The following NRXN3 variants were observed in gnomAD, a reference collection of about 807,000 sequenced individuals.
NRXN3 encodes the protein neurexin III.
NRXN3 carries 32 observed loss-of-function variants against 137.6 expected under a neutral mutation model. The ratio of observed to expected loss-of-function variants is 0.23; its 90% CI spans 0.18 to 0.31. The LOEUF is 0.31. Ranked by LOEUF, NRXN3 falls within the 10% of genes least tolerant of loss-of-function variation. The pLI is 1.00. For missense variants in NRXN3, 1,574 were observed against 2,062.5 expected (o/e 0.76, Z 4.59); for synonymous variants, 798 against 784.5 (o/e 1.02, Z -0.29).
chr14:78,242,113 G>A (rs1227141633), intron 1 of NRXN3, among the ~76,000 whole-genome samples: 1 of 152,152 alleles, frequency 6.6e-6, no homozygotes, highest in African/African-American at 2.4e-5. Context: ...GTGACCTTGT[G>A]ATGTGAATAT....
At chr14:79,709,995 G>C (rs187533654) in intron 19 of NRXN3, among the ~76,000 whole-genome samples, 29 of 152,278 alleles carry the variant, frequency 1.9e-4, no homozygotes, top group Admixed American at 5.2e-4. Flanking sequence ...AGGACAAAGA[G>C]AGAAATAGAC....
At chr14:79,734,188 C>T (rs1371456231) in intron 19 of NRXN3, among the ~76,000 whole-genome samples, 2 of 152,194 alleles carry the variant, frequency 1.3e-5, no homozygotes, top group African/African-American at 4.8e-5. Context: ...GGCCAACACC[C>T]CAATATTTCT....
At chr14:79,326,265 C>T (rs1170810526) in intron 15 of NRXN3, among the ~76,000 whole-genome samples, 1 of 152,100 alleles carries the variant, frequency 6.6e-6, no homozygotes, top group African/African-American at 2.4e-5. Flanking sequence ...TAAATAAGTC[C>T]CTAGTCCGTA....
chr14:79,801,678 T>C (rs1380616704), intron 19 of NRXN3, among the ~76,000 whole-genome samples: 1 of 152,222 alleles, frequency 6.6e-6, no homozygotes, highest in Non-Finnish European at 1.5e-5. Flanking sequence ...CAAACTCCTT[T>C]GAGTCTGGGC....
intron 15 of NRXN3, among the ~76,000 whole-genome samples, chr14:79,091,554 C>A (rs1041373939): frequency 6.6e-6 from 1 of 152,076 alleles, no homozygotes; most frequent in Non-Finnish European, 1.5e-5. Flanking sequence ...AGAGGTTCCC[C>A]ATGGGGCGCT....
chr14:78,283,112 G>A lies in NRXN3; in HGVS notation c.727+4450G>A, dbSNP rs560449550. On this transcript the variant is annotated intron_variant, in intron 3 of 20. Transcript: ENST00000335750. ...TCCTCTCTTGTGCTGGGCACAGAAT[G>A]AGATATCTGATCTGGTTGTGGGGAG... The A allele has an allele frequency of 5.9e-5, 9 of 152,348 alleles. No individual in the cohort carries two copies. The South Asian group carries it at 1.9e-3, about 32-fold the overall frequency. 9.4% of individuals were successfully genotyped at this position (152,348 alleles called of 1,614,324 possible). A position where few individuals can be genotyped will look rare whatever the true frequency, so the allele number is the denominator to read the frequency against.
intron 15 of NRXN3, among the ~76,000 whole-genome samples, chr14:79,415,840 A>G (rs775042092): frequency 3.9e-5 from 6 of 152,136 alleles, no homozygotes; most frequent in Non-Finnish European, 8.8e-5. Flanking sequence ...TCCCTGAACC[A>G]TCTAGGAACT....
chr14:79,629,787 C>A (rs1163183861), intron 16 of NRXN3, among the ~76,000 whole-genome samples: 1 of 151,358 alleles, frequency 6.6e-6, no homozygotes, highest in African/African-American at 2.4e-5. Flanking sequence ...TGATAAAGAA[C>A]AGATATGTTT....
At chr14:79,026,923 G>GTATATA (rs138279840) in intron 15 of NRXN3, among the ~76,000 whole-genome samples, 7,474 of 135,268 alleles carry the variant, frequency 0.055, 416 homozygotes, top group Non-Finnish European at 0.073. Flanking sequence ...AGAAAAAAAA[G>GTATATA]TATATATATA....
At chr14:78,589,300 G>T (rs1439221830) in intron 4 of NRXN3, among the ~76,000 whole-genome samples, 1 of 152,158 alleles carries the variant, frequency 6.6e-6, no homozygotes, top group African/African-American at 2.4e-5. Context: ...GCTGCCTTTG[G>T]CTGAGTCTAT....
At chr14:79,607,722 G>A (rs1409385902) in intron 16 of NRXN3, among the ~76,000 whole-genome samples, 2 of 150,804 alleles carry the variant, frequency 1.3e-5, no homozygotes, top group Non-Finnish European at 2.9e-5. Context: ...GCCCAGGCTG[G>A]AGTGCAGTGG....
chr14:79,775,135 A>T (rs529667798), intron 19 of NRXN3, among the ~76,000 whole-genome samples: 2 of 152,268 alleles, frequency 1.3e-5, no homozygotes, highest in East Asian at 3.9e-4. Context: ...TTAATACCAT[A>T]CCGTAATTCT....
intron 17 of NRXN3, among the ~76,000 whole-genome samples, chr14:79,665,363 C>G (rs1208355730): frequency 6.6e-6 from 1 of 152,060 alleles, no homozygotes; most frequent in Non-Finnish European, 1.5e-5. Flanking sequence ...ACATAAATGC[C>G]CTTATGAGGT....
At chr14:78,428,843 A>G (rs1294996505) in intron 4 of NRXN3, among the ~76,000 whole-genome samples, 2 of 152,156 alleles carry the variant, frequency 1.3e-5, no homozygotes, top group East Asian at 1.9e-4. Flanking sequence ...TGCACAGTCA[A>G]TCTGTTTTAT....
At position 79,697,753 on chromosome 14, in the gene NRXN3, C is replaced by T. The variant is rs760098836; in HGVS notation, c.3830C>T (p.Ala1277Val). The change falls in exon 19 of 21, where the codon GCG (alanine) becomes GTG (valine). Residue 1277 changes from alanine (A) to valine (V), a missense_variant. Coordinates refer to ENST00000335750, the MANE Select transcript of NRXN3 (RefSeq NM_001330195.2). ...YYDGLKVLNMAAENNPNIKIN... is the reference protein window; with the variant it reads ...YYDGLKVLNMVAENNPNIKIN... ...GATGGTTTGAAAGTACTGAACATGG[C>T]GGCTGAGAACAACCCCAATATTAAA... The T allele has an allele frequency of 3.1e-6, 5 of 1,612,914 alleles. No individual in the cohort carries two copies. Among genetic ancestry groups the T allele is most frequent in the African/African-American group, 1.3e-5 (1 of 74,780 alleles).
intron 16 of NRXN3, among the ~76,000 whole-genome samples, chr14:79,659,628 T>C (rs1213636297): frequency 6.6e-6 from 1 of 152,034 alleles, no homozygotes; most frequent in African/African-American, 2.4e-5. Flanking sequence ...ATTTTGTGGG[T>C]CCAAAATTAT....
intron 19 of NRXN3, among the ~76,000 whole-genome samples, chr14:79,699,662 T>C (rs1390616640): frequency 6.6e-6 from 1 of 152,010 alleles, no homozygotes; most frequent in African/African-American, 2.4e-5. Flanking sequence ...GGGTACAAGA[T>C]ACAAAATCTT....
chr14:78,968,102 T>C lies in NRXN3; in HGVS notation c.2969-71T>C, dbSNP rs1379201703. The C allele has an allele frequency of 1.5e-5, 8 of 525,934 alleles. No individual in the cohort carries two copies. The Admixed American group carries it at 2.5e-4, about 16-fold the overall frequency. The allele number at this position is 525,934 out of a possible 1,614,324, so 32.6% of individuals were successfully genotyped here. Reference sequence around the variant, plus strand: ...TCCTTATCTGATGAATTATCTCAAGTGTATCAAACTAGTTGACATGGTCAC... The same window carrying C: ...TCCTTATCTGATGAATTATCTCAAGCGTATCAAACTAGTTGACATGGTCAC... On this transcript the variant is annotated intron_variant, in intron 13 of 20. Coordinates refer to ENST00000335750, the MANE Select transcript of NRXN3 (RefSeq NM_001330195.2).
At chr14:79,392,558 G>C (rs567394182) in intron 15 of NRXN3, among the ~76,000 whole-genome samples, 1 of 152,252 alleles carries the variant, frequency 6.6e-6, no homozygotes, top group East Asian at 1.9e-4. Flanking sequence ...GATCCTTGAA[G>C]AATCGCCACA....
Sources: allele counts gnomAD v4.1 joint callset (sites outside exome capture counted in the v4.1 genomes callset), GRCh38; gene constraint gnomAD v4.1.1; transcripts MANE v1.5; gene names NCBI Gene and HGNC (gene_info 2026-07-23, HGNC 2026-07-21).